TNRC6A: variants seen among roughly 807,000 people sequenced by gnomAD.
TNRC6A encodes trinucleotide repeat-containing gene 6A protein.
Under a neutral mutation model 221.2 loss-of-function variants are expected in TNRC6A, and 44 were observed. The ratio of observed to expected loss-of-function variants is 0.20; its 90% CI spans 0.16 to 0.26. The LOEUF (loss-of-function observed/expected upper bound fraction) is 0.26. TNRC6A is among the 10% of genes least tolerant of loss of function. TNRC6A has a pLI of 1.00. For synonymous variants in TNRC6A, 847 were observed against 838.5 expected, an observed-to-expected ratio of 1.01 and a Z score of -0.18; for missense variants, 2,199 against 2,404.4, an observed-to-expected ratio of 0.91 and a Z score of 1.79.
intron 2 of TNRC6A, among the ~76,000 whole-genome samples, chr16:24,654,627 G>A (rs530156379): frequency 1.9e-4 from 29 of 152,112 alleles, no homozygotes; most frequent in Admixed American, 1.8e-3. Flanking sequence ...GCTGAGGCAG[G>A]AGAATCACTT....
intron 1 of TNRC6A, among the ~76,000 whole-genome samples, chr16:24,636,866 A>C (rs1051599838): frequency 6.6e-6 from 1 of 152,182 alleles, no homozygotes; most frequent in African/African-American, 2.4e-5. Flanking sequence ...TTTAACTTTT[A>C]ATTGTCATAA....
At chr16:24,751,859 T>G (rs2057144195) in intron 3 of TNRC6A, among the ~76,000 whole-genome samples, 1 of 152,076 alleles carries the variant, frequency 6.6e-6, no homozygotes, top group African/African-American at 2.4e-5. Context: ...TAACTCAGGC[T>G]GAAATGGGGC....
At chr16:24,627,633 T>C (rs562749736) in intron 1 of TNRC6A, among the ~76,000 whole-genome samples, 2 of 152,094 alleles carry the variant, frequency 1.3e-5, no homozygotes, top group East Asian at 3.9e-4. Flanking sequence ...CCTGATGTGT[T>C]CTTATAGGAT....
At chr16:24,692,193 T>C (rs893111839) in intron 2 of TNRC6A, among the ~76,000 whole-genome samples, 1 of 152,174 alleles carries the variant, frequency 6.6e-6, no homozygotes, top group Non-Finnish European at 1.5e-5. Context: ...GTCGTGGCTC[T>C]AAGCAGCAAA....
chr16:24,744,765 G>A (rs767755989), intron 2 of TNRC6A, among the ~76,000 whole-genome samples: 1 of 152,048 alleles, frequency 6.6e-6, no homozygotes, highest in Non-Finnish European at 1.5e-5. Flanking sequence ...TCTGTCTGTT[G>A]TCCTCTTTTG....
intron 2 of TNRC6A, among the ~76,000 whole-genome samples, chr16:24,681,463 A>C (rs1567352119): frequency 1.3e-5 from 2 of 152,250 alleles, no homozygotes; most frequent in East Asian, 3.9e-4. Context: ...CCTGACCTCA[A>C]GTGATCCGCC....
At chr16:24,710,670 C>G (rs1365395526) in intron 2 of TNRC6A, among the ~76,000 whole-genome samples, 1 of 151,968 alleles carries the variant, frequency 6.6e-6, no homozygotes, top group Non-Finnish European at 1.5e-5. Context: ...AATTTAGAAG[C>G]ATTTTGTTGG....
chr16:24,784,742 G>C (rs1567469313), intron 5 of TNRC6A, among the ~76,000 whole-genome samples: 1 of 152,124 alleles, frequency 6.6e-6, no homozygotes, highest in Non-Finnish European at 1.5e-5. Context: ...GATTAAAAAT[G>C]GGATTTTAGT....
At chr16:24,753,298 TAAG>T (rs987847118) in intron 3 of TNRC6A, among the ~76,000 whole-genome samples, 2 of 152,220 alleles carry the variant, frequency 1.3e-5, no homozygotes, top group African/African-American at 4.8e-5. Context: ...CTTAGGGATA[TAAG>T]AAGTTTTTCC....
intron 2 of TNRC6A, among the ~76,000 whole-genome samples, chr16:24,706,665 C>T (rs2056099016): frequency 6.9e-6 from 1 of 144,904 alleles, no homozygotes; most frequent in Non-Finnish European, 1.5e-5. Flanking sequence ...GCACTCCAGC[C>T]TGGGTGACAG....
intron 1 of TNRC6A, among the ~76,000 whole-genome samples, chr16:24,613,115 CAAAAAAAA>C (rs553122873): frequency 0.14 from 8,029 of 56,102 alleles, 318 homozygotes; most frequent in African/African-American, 0.19. Context: ...GACTCTGTCT[CAAAAAAAA>C]AAAAAAAAAA....
At chr16:24,804,886 A>C in intron 13 of TNRC6A, 35 bp downstream of exon 13, 1 of 1,613,476 alleles carries the variant, frequency 6.2e-7, no homozygotes, top group Non-Finnish European at 8.5e-7. Context: ...CTCTCAGTTG[A>C]ATGATTTGTA....
chr16:24,771,597 A>ATGTTATGTTATGT (rs2057610517), intron 4 of TNRC6A, among the ~76,000 whole-genome samples: 2 of 134,660 alleles, frequency 1.5e-5, no homozygotes, highest in African/African-American at 5.7e-5. Context: ...ATGTTATGTT[A>ATGTTATGTTATGT]TGTTATGTTA....
At chr16:24,728,224 G>C (rs1352236101), upstream of TNRC6A, among the ~76,000 whole-genome samples, 2 of 152,222 alleles carry the variant, frequency 1.3e-5, no homozygotes, top group African/African-American at 4.8e-5. Flanking sequence ...CGAGGGGGGC[G>C]ATCACCTGAG....
At position 24,687,941 on chromosome 16, in the gene TNRC6A, TTTCTTTTCTTTTC is replaced by T. The variant is rs1485651293; in HGVS notation, n.402+46935_402+46947del. 2.5e-4 allele frequency among the ~76,000 whole-genome samples: 31 copies of T among 125,100 alleles called. 1 individual carries two copies. Among genetic ancestry groups the T allele is most frequent in the African/African-American group, 8.2e-4 (27 of 32,728 alleles). The allele number at this position is 125,100 out of a possible 152,430, so 82.1% of individuals were successfully genotyped here. Reference sequence around the variant, plus strand: ...TTTCTTTTCTTTTCTTTTCTTTTCTTTTCTTTTCTTTTCTTTTTTTTTTTTTTGTCGCCCAGGC... The same window carrying T: ...TTTCTTTTCTTTTCTTTTCTTTTCTTTTTTTTTTTTTTTTGTCGCCCAGGC... On this transcript the variant is annotated intron_variant and non_coding_transcript_variant, in intron 2 of 2. Coordinates refer to the TNRC6A transcript ENST00000566108.
In TNRC6A at chr16:24,729,797, C is replaced by T; in HGVS notation, c.-45C>T. On this transcript the variant is annotated 5_prime_UTR_variant, in exon 1 of 25. Coordinates refer to ENST00000395799, the MANE Select transcript of TNRC6A (RefSeq NM_014494.4). ...GGCGCTGCGGAGGGCTTGAGGCTCG[C>T]GAGCCTCCTTCGCCGCGCCCCACTT... 7.1e-7 allele frequency: 1 copy of T among 1,405,002 alleles called. No individual in the cohort carries two copies. Among genetic ancestry groups the T allele is most frequent in the Non-Finnish European group, 9.3e-7 (1 of 1,072,846 alleles). The allele number at this position is 1,405,002 out of a possible 1,614,324, so 87.0% of individuals were successfully genotyped here.
At chr16:24,710,071 C>T (rs1245710630) in intron 2 of TNRC6A, among the ~76,000 whole-genome samples, 1 of 151,336 alleles carries the variant, frequency 6.6e-6, no homozygotes, top group African/African-American at 2.4e-5. Flanking sequence ...ACTCAAAATA[C>T]AAAATTAGCC....
chr16:24,671,313 C>G (rs2141996654), intron 2 of TNRC6A, among the ~76,000 whole-genome samples: 1 of 152,234 alleles, frequency 6.6e-6, no homozygotes, highest in Middle Eastern at 3.4e-3. Context: ...CGCTTAAGGT[C>G]TCCAGGAGAG....
rs114474673 is a variant in TNRC6A, at chr16:24,683,390, G to A, written n.402+42381G>A. Reference sequence around the variant, plus strand: ...TTTTAAATTATTTTGTAGAGACGGAGTCTTGCTATGTTGCCCAGGCTGGTT... The same window carrying A: ...TTTTAAATTATTTTGTAGAGACGGAATCTTGCTATGTTGCCCAGGCTGGTT... On this transcript the variant is annotated intron_variant and non_coding_transcript_variant, in intron 2 of 2. Coordinates refer to the TNRC6A transcript ENST00000566108. 3.5e-3 allele frequency among the ~76,000 whole-genome samples: 533 copies of A among 152,206 alleles called. 5 individuals carry two copies. The highest frequency in any genetic ancestry group is 0.011 in the African/African-American group (473 of 41,522).
Sources: allele counts gnomAD v4.1 joint callset (sites outside exome capture counted in the v4.1 genomes callset), GRCh38; gene constraint gnomAD v4.1.1; transcripts MANE v1.5; gene names NCBI Gene and HGNC (gene_info 2026-07-23, HGNC 2026-07-21).